The following ITIH1 variants were observed in gnomAD, a reference collection of about 807,000 sequenced individuals.
The protein encoded by ITIH1 is inter-alpha-trypsin inhibitor heavy chain H1.
A neutral mutation model predicts 104.6 loss-of-function variants in ITIH1; 94 were observed. The observed-to-expected ratio is 0.90, with a 90% CI of 0.76 to 1.07. ITIH1 has a LOEUF of 1.07. Ranked by LOEUF, ITIH1 falls within the 50% of genes least tolerant of loss-of-function variation. The pLI, the probability that ITIH1 is intolerant of heterozygous loss-of-function variation, is 0.00. For synonymous variants in ITIH1, 455 were observed against 464.4 expected (o/e 0.98, Z 0.26); for missense variants, 1,193 against 1,181.4 (o/e 1.01, Z -0.14).
At chr3:52,784,602 G>A (rs1214889723) in intron 11 of ITIH1, 125 bp downstream of exon 11, 3 of 987,696 alleles carry the variant, frequency 3.0e-6, no homozygotes, top group Non-Finnish European at 4.4e-6. Flanking sequence ...TCAGCTGCAT[G>A]GGCCAGGCAT....
At position 52,781,928 on chromosome 3, in the gene ITIH1, C is replaced by A. The variant is rs763742856; in HGVS notation, c.688-12C>A. 1 of 1,613,850 alleles carries A rather than the reference C, an allele frequency of 6.2e-7. No individual in the cohort carries two copies. Among genetic ancestry groups the A allele is most frequent in the African/African-American group, 1.3e-5 (1 of 74,930 alleles). ...ACAGACCAGTAATGGCTCACACTCT[C>A]GACGGTTCCAGGGTCATGTGCTGTT... On this transcript the variant is annotated splice_polypyrimidine_tract_variant and intron_variant, in intron 6 of 21. Coordinates refer to ENST00000273283, the MANE Select transcript of ITIH1 (RefSeq NM_002215.4).
At chr3:52,785,351 C>A in intron 12 of ITIH1, 122 bp downstream of exon 12, 2 of 881,796 alleles carry the variant, frequency 2.3e-6, no homozygotes, top group Non-Finnish European at 3.5e-6. Context: ...GTACCCTCAT[C>A]CCCACCATGC....
In ITIH1 at chr3:52,787,975, CCT is replaced by C. The variant is rs1491417398; in HGVS notation, c.1925-9_1925-8del. 85 of 1,589,590 alleles carry C rather than the reference CCT, an allele frequency of 5.3e-5. No homozygotes were observed. The highest frequency in any genetic ancestry group is 7.0e-5 in the Non-Finnish European group (82 of 1,164,622). ...TGCCCCGCTTCTAAATGCCACTCCC[CCT>C]CCCATCAGCGTTCGTGCTGTCAGCC... On this transcript the variant is annotated splice_polypyrimidine_tract_variant and intron_variant, in intron 16 of 21. Coordinates refer to ENST00000273283, the MANE Select transcript of ITIH1 (RefSeq NM_002215.4).
chr3:52,786,954 G>A lies in ITIH1; in HGVS notation c.1743G>A (p.Val581=). 6.2e-7 allele frequency: 1 copy of A among 1,612,540 alleles called. No homozygotes were observed. The highest frequency in any genetic ancestry group is 8.5e-7 in the Non-Finnish European group (1 of 1,179,012). Reference sequence around the variant, plus strand: ...TCTGTCTTGAATGCAGGATGAAGGTGGACAGGGAGGAGAGGGCCAACCTGT... The same window carrying A: ...TCTGTCTTGAATGCAGGATGAAGGTAGACAGGGAGGAGAGGGCCAACCTGT... The part of the protein sequence containing the change: ...IQELLAKRMK[V]DREERANLSS... The change falls in exon 14 of 22, where the codon GTG becomes GTA. Residue 581 remains valine, a synonymous_variant. Transcript: ENST00000273283.
chr3:52,783,832 G>A (rs1163666140), intron 10 of ITIH1, among the ~76,000 whole-genome samples: 2 of 151,972 alleles, frequency 1.3e-5, no homozygotes, highest in Admixed American at 6.5e-5. Context: ...GGGGATGTCC[G>A]GGAAGGCCTC....
Position 52,788,344 on chromosome 3 carries a change from A to T in ITIH1, c.2118A>T (p.Thr706=), listed in dbSNP as rs773761422. The part of the protein sequence containing the change: ...VILSLVQDPN[T]GFSVNGQLIG... ...TGAGCCTGGTACAGGACCCCAACACAGGTATGGCGGGCATCACACCTCTGC... is the reference window on the plus strand; with the variant it reads ...TGAGCCTGGTACAGGACCCCAACACTGGTATGGCGGGCATCACACCTCTGC... The change falls in exon 18 of 22, where the codon ACA becomes ACT. Residue 706 remains threonine, a splice_region_variant and synonymous_variant. Coordinates refer to ENST00000273283, the MANE Select transcript of ITIH1 (RefSeq NM_002215.4). 33 of 1,582,758 alleles carry T rather than the reference A, an allele frequency of 2.1e-5. No individual in the cohort carries two copies. Among genetic ancestry groups the T allele is most frequent in the Non-Finnish European group, 2.8e-5 (32 of 1,158,300 alleles).
In ITIH1 at chr3:52,781,929, G is replaced by A. The variant is rs751478081; in HGVS notation, c.688-11G>A. On this transcript the variant is annotated splice_polypyrimidine_tract_variant and intron_variant, in intron 6 of 21. Coordinates refer to ENST00000273283, the MANE Select transcript of ITIH1 (RefSeq NM_002215.4). ...CAGACCAGTAATGGCTCACACTCTC[G>A]ACGGTTCCAGGGTCATGTGCTGTTC... 5.0e-6 allele frequency: 8 copies of A among 1,613,732 alleles called. No homozygotes were observed. Among genetic ancestry groups the A allele is most frequent in the Non-Finnish European group, 6.8e-6 (8 of 1,179,926 alleles).
chr3:52,780,231 C>A (rs1559460629), intron 5 of ITIH1, 38 bp from the exon 6 acceptor site: 4 of 1,479,744 alleles, frequency 2.7e-6, no homozygotes, highest in Non-Finnish European at 2.8e-6. Flanking sequence ...AAGATCCCAT[C>A]TTTTTTTTTA....
chr3:52,786,859 TG>T, intron 13 of ITIH1, 85 bp from the exon 14 acceptor site: 2 of 1,403,884 alleles, frequency 1.4e-6, no homozygotes, highest in Non-Finnish European at 1.9e-6. Flanking sequence ...AATGAATGAA[TG>T]AATGAATGAA....
At chr3:52,782,102 G>T (rs1440229937) in intron 7 of ITIH1, 37 bp downstream of exon 7, 1 of 1,614,108 alleles carries the variant, frequency 6.2e-7, no homozygotes. Context: ...CCCAGAGGAT[G>T]GGCAAGGGGT....
intron 18 of ITIH1, 30 bp from the exon 19 acceptor site, chr3:52,789,623 C>A: frequency 6.2e-7 from 1 of 1,607,490 alleles, no homozygotes; most frequent in South Asian, 1.1e-5. Context: ...GGCCCCTTCC[C>A]AACCCGGATG....
intron 13 of ITIH1, 21 bp downstream of exon 13, chr3:52,786,455 C>A (rs1261348810): frequency 6.4e-7 from 1 of 1,563,030 alleles, no homozygotes; most frequent in Non-Finnish European, 8.7e-7. Context: ...TGCAGCTGCC[C>A]CAGGTGGGCA....
rs1578727040 is a variant in ITIH1 at position 52,778,415 on chromosome 3, A to C, written c.214A>C (p.Thr72Pro). Reference protein sequence around the residue: ...VTSRFAHYVVTSQVVNTANEA... With the variant: ...VTSRFAHYVVPSQVVNTANEA... ...CTCTCGCTTCGCCCACTATGTTGTCACCAGCCAAGTGGTCAACACTGCCAA... is the reference window on the plus strand; with the variant it reads ...CTCTCGCTTCGCCCACTATGTTGTCCCCAGCCAAGTGGTCAACACTGCCAA... Residue 72 changes from threonine to proline, a missense_variant, in exon 3 of 22, where the codon ACC becomes CCC. Physicochemically the swap from Thr to Pro is conservative, Grantham distance 38 (BLOSUM62 -1). Transcript: ENST00000273283. The C allele has an allele frequency of 6.2e-7, 1 of 1,614,066 alleles. No individual in the cohort carries two copies. Among genetic ancestry groups the C allele is most frequent in the African/African-American group, 1.3e-5 (1 of 74,924 alleles).
rs778979306 is a variant in ITIH1, at chr3:52,779,650, C to A, written c.573+56C>A. On this transcript the variant is annotated intron_variant, in intron 5 of 21. Transcript: ENST00000273283. The surrounding 1 kb of genome is among the most constrained non-coding windows in gnomAD (Gnocchi z 4.4). ...GCCCCTCTCTCCGTCACCATGGCTC[C>A]CAACACTGGTTGAGCACCCACCATG... 1.9e-6 allele frequency: 3 copies of A among 1,589,806 alleles called. No individual in the cohort carries two copies. Among genetic ancestry groups the A allele is most frequent in the Non-Finnish European group, 2.6e-6 (3 of 1,158,356 alleles).
Position 52,779,154 on chromosome 3 carries a change from G to A in ITIH1, c.410+108G>A, listed in dbSNP as rs1698977439. 1.2e-6 allele frequency: 1 copy of A among 858,250 alleles called. No individual in the cohort carries two copies. Among genetic ancestry groups the A allele is most frequent in the Non-Finnish European group, 2.0e-6 (1 of 508,402 alleles). The allele number at this position is 858,250 out of a possible 1,614,324, so 53.2% of individuals were successfully genotyped here. A position where few individuals can be genotyped will look rare whatever the true frequency, so the allele number is the denominator to read the frequency against. On this transcript the variant is annotated intron_variant, in intron 4 of 21. Coordinates refer to ENST00000273283, the MANE Select transcript of ITIH1 (RefSeq NM_002215.4). The surrounding 1 kb of genome is among the most constrained non-coding windows in gnomAD (Gnocchi z 4.4). Reference sequence around the variant, plus strand: ...TGGAGAACAGCCCAGGATGATGGAAGGGTAAGCAAACTGCCCAAACCCAGA... The same window carrying A: ...TGGAGAACAGCCCAGGATGATGGAAAGGTAAGCAAACTGCCCAAACCCAGA...
At chr3:52,784,967 C>T in intron 11 of ITIH1, 77 bp from the exon 12 acceptor site, 1 of 1,453,044 alleles carries the variant, frequency 6.9e-7, no homozygotes, top group Non-Finnish European at 9.6e-7. Flanking sequence ...GAATTCCCAA[C>T]ACTCCACTTT....
intron 12 of ITIH1, 133 bp from the exon 13 acceptor site, chr3:52,786,162 G>C: frequency 1.1e-6 from 1 of 876,226 alleles, no homozygotes; most frequent in Non-Finnish European, 1.7e-6. Context: ...GAGGCGAACA[G>C]GCTCAGGGAA....
Position 52,786,911 on chromosome 3 carries a change from C to A in ITIH1, c.1734-34C>A. ...GTGAAAGGATGAGGGCCGTGCAAGT[C>A]GGGGCTTGGAGCCAGCCTCTGTCTT... On this transcript the variant is annotated intron_variant, in intron 13 of 21. Transcript: ENST00000273283. The A allele has an allele frequency of 1.9e-6, 3 of 1,579,090 alleles. No individual in the cohort carries two copies. The South Asian group carries it at 3.5e-5, about 19-fold the overall frequency.
chr3:52,790,031 T>C, intron 19 of ITIH1, 177 bp downstream of exon 19: 1 of 646,584 alleles, frequency 1.5e-6, no homozygotes, highest in Non-Finnish European at 2.7e-6. Context: ...GGTTACTGGA[T>C]ATGTCCTCTG....
Sources: allele counts gnomAD v4.1 joint callset (sites outside exome capture counted in the v4.1 genomes callset), GRCh38; gene constraint gnomAD v4.1.1; non-coding constraint Gnocchi (gnomAD v3.1); transcripts MANE v1.5; gene names NCBI Gene and HGNC (gene_info 2026-07-23, HGNC 2026-07-21).